The following SEMA6D variants were observed in gnomAD, a reference collection of about 807,000 sequenced individuals.
SEMA6D encodes the protein semaphorin 6D.
Under a neutral mutation model 106.6 loss-of-function variants are expected in SEMA6D, and 35 were observed. The observed-to-expected ratio is 0.33, with a 90% confidence interval of 0.25 to 0.44. The LOEUF (loss-of-function observed/expected upper bound fraction) is 0.44. SEMA6D is among the 20% of genes least tolerant of loss of function. The pLI, the probability that SEMA6D is intolerant of heterozygous loss-of-function variation, is 1.00. For synonymous variants in SEMA6D, 499 were observed against 487.7 expected (o/e 1.02, Z -0.31); for missense variants, 1,185 against 1,345.9 (o/e 0.88, Z 1.87).
chr15:47,754,557 G>A (rs1186545316), intron 1 of SEMA6D, among the ~76,000 whole-genome samples: 2 of 152,046 alleles, frequency 1.3e-5, no homozygotes. Flanking sequence ...ATCTTAGTGT[G>A]TAATATTTTT....
intron 3 of SEMA6D, among the ~76,000 whole-genome samples, chr15:47,546,051 C>T (rs1297523115): frequency 6.6e-6 from 1 of 152,128 alleles, no homozygotes; most frequent in African/African-American, 2.4e-5. Flanking sequence ...CGCTAGAGTG[C>T]ATTTATGCAT....
At chr15:47,416,924 A>G (rs1214484483) in intron 2 of SEMA6D, among the ~76,000 whole-genome samples, 1 of 152,086 alleles carries the variant, frequency 6.6e-6, no homozygotes, top group Non-Finnish European at 1.5e-5. Flanking sequence ...CCCATCTATC[A>G]CTCAGACATT....
intron 1 of SEMA6D, among the ~76,000 whole-genome samples, chr15:47,403,943 A>G (rs1421448290): frequency 1.3e-5 from 2 of 152,164 alleles, no homozygotes; most frequent in Non-Finnish European, 2.9e-5. Context: ...GGAAGCTGAT[A>G]AAAGATTCGG....
chr15:47,755,626 T>C, intron 1 of SEMA6D, among the ~76,000 whole-genome samples: 1 of 152,150 alleles, frequency 6.6e-6, no homozygotes, highest in South Asian at 2.1e-4. Context: ...TTGTAAAACA[T>C]GGTTTACCTC....
rs77562926 is a variant in SEMA6D at position 47,673,108 on chromosome 15, C to T, written c.-55+72212C>T. Reference sequence around the variant, plus strand: ...CCTAGCTTGGTGACTCTTTTCTCACCCCGAGAAAATCCCCCAAAGGCCAGC... The same window carrying T: ...CCTAGCTTGGTGACTCTTTTCTCACTCCGAGAAAATCCCCCAAAGGCCAGC... On this transcript the variant is annotated intron_variant, in intron 4 of 19. Coordinates refer to the SEMA6D transcript ENST00000558014. Among the ~76,000 whole-genome samples, 11 of 152,058 alleles carry T rather than the reference C, an allele frequency of 7.2e-5. No homozygotes were observed. In the East Asian group the frequency reaches 1.9e-3, roughly 27 times the overall value.
intron 1 of SEMA6D, among the ~76,000 whole-genome samples, chr15:47,368,606 G>C (rs1261988877): frequency 2.0e-5 from 3 of 151,852 alleles, no homozygotes; most frequent in Non-Finnish European, 2.9e-5. Context: ...AAGTAGCTGG[G>C]ACTACAGGCG....
At chr15:47,481,055 A>G (rs181104525) in intron 3 of SEMA6D, among the ~76,000 whole-genome samples, 1 of 152,304 alleles carries the variant, frequency 6.6e-6, no homozygotes, top group East Asian at 1.9e-4. Flanking sequence ...GCATCCCCCA[A>G]GGAATTATCT....
chr15:47,762,138 C>T lies in SEMA6D; in HGVS notation c.539-62C>T, dbSNP rs114903830. 1,569 of 1,602,780 alleles carry T rather than the reference C, an allele frequency of 9.8e-4. 18 individuals are homozygous for T. In the African/African-American group the frequency reaches 0.019, roughly 19 times the overall value. ...CGCTCCAAAGGGCATAACACGCTGCCAAAGCTAACACACTGCAGGATAATT... is the reference window on the plus strand; with the variant it reads ...CGCTCCAAAGGGCATAACACGCTGCTAAAGCTAACACACTGCAGGATAATT... On this transcript the variant is annotated intron_variant, in intron 7 of 18. Coordinates refer to ENST00000536845, the MANE Select transcript of SEMA6D (RefSeq NM_001358351.3).
chr15:47,558,118 A>C (rs1393763322), intron 3 of SEMA6D, among the ~76,000 whole-genome samples: 1 of 152,128 alleles, frequency 6.6e-6, no homozygotes, highest in Non-Finnish European at 1.5e-5. Flanking sequence ...ATCCCATATG[A>C]AAAGGTACAA....
At chr15:47,640,936 A>T (rs1252872326) in intron 4 of SEMA6D, among the ~76,000 whole-genome samples, 1 of 152,144 alleles carries the variant, frequency 6.6e-6, no homozygotes, top group Non-Finnish European at 1.5e-5. Context: ...TATTATATTC[A>T]AGAAACCTCA....
intron 1 of SEMA6D, among the ~76,000 whole-genome samples, chr15:47,203,179 C>T (rs986852950): frequency 6.6e-6 from 1 of 152,090 alleles, no homozygotes; most frequent in Non-Finnish European, 1.5e-5. Context: ...CAAACTGGCA[C>T]TTTGACATGT....
rs187551657 is a variant in SEMA6D at position 47,302,399 on chromosome 15, A to G, written c.-238-109994A>G. On this transcript the variant is annotated intron_variant, in intron 1 of 19. Transcript: ENST00000558014. ...CAGATCCTGAAAAATGAAAAAAGAA[A>G]AGCAAAAAACAAGAGAAAAGCATAC... 1.3e-3 allele frequency among the ~76,000 whole-genome samples: 200 copies of G among 152,332 alleles called. 1 individual carries two copies. The highest frequency in any genetic ancestry group is 8.8e-5 in the Non-Finnish European group (6 of 68,036).
At chr15:47,449,598 A>G (rs2042127836) in intron 2 of SEMA6D, among the ~76,000 whole-genome samples, 1 of 152,030 alleles carries the variant, frequency 6.6e-6, no homozygotes, top group Non-Finnish European at 1.5e-5. Flanking sequence ...ATTATTTATG[A>G]GAAAAAAAAA....
intron 4 of SEMA6D, among the ~76,000 whole-genome samples, chr15:47,604,362 A>G (rs2076729715): frequency 6.6e-6 from 1 of 152,234 alleles, no homozygotes; most frequent in South Asian, 2.1e-4. Context: ...CCGGTCCGAT[A>G]AACTTAAGAG....
chr15:47,247,116 A>G (rs1173580401), intron 1 of SEMA6D, among the ~76,000 whole-genome samples: 1 of 152,220 alleles, frequency 6.6e-6, no homozygotes, highest in East Asian at 1.9e-4. Context: ...CACTAGAAAT[A>G]TAAGATCCAG....
chr15:47,759,235 T>C (rs563091096), intron 1 of SEMA6D, among the ~76,000 whole-genome samples: 71 of 152,240 alleles, frequency 4.7e-4, no homozygotes, highest in Non-Finnish European at 5.9e-5. Flanking sequence ...AATACTTGGG[T>C]AATGCTGGGA....
At chr15:47,316,931 C>T (rs2036707373) in intron 1 of SEMA6D, among the ~76,000 whole-genome samples, 1 of 152,120 alleles carries the variant, frequency 6.6e-6, no homozygotes, top group Admixed American at 6.5e-5. Context: ...CCTCATATAA[C>T]ATGTTTAGGA....
At position 47,761,138 on chromosome 15, in the gene SEMA6D, G is replaced by C; in HGVS notation, c.283-20G>C. 6 of 1,613,336 alleles carry C rather than the reference G, an allele frequency of 3.7e-6. No homozygotes were observed. The highest frequency in any genetic ancestry group is 5.1e-6 in the Non-Finnish European group (6 of 1,179,692). On this transcript the variant is annotated intron_variant, in intron 4 of 18. Transcript: ENST00000536845. ...ATGTTCGCAGTTAAAAACTGCTTTG[G>C]TTTTGCTTGATTAATACAGAAACTG...
At chr15:47,251,278 T>A (rs1338569470) in intron 1 of SEMA6D, among the ~76,000 whole-genome samples, 2 of 152,218 alleles carry the variant, frequency 1.3e-5, no homozygotes, top group Non-Finnish European at 2.9e-5. Flanking sequence ...CTGCTTGAAC[T>A]CATCCTTTGT....
Sources: allele counts gnomAD v4.1 joint callset (sites outside exome capture counted in the v4.1 genomes callset), GRCh38; gene constraint gnomAD v4.1.1; transcripts MANE v1.5; gene names NCBI Gene and HGNC (gene_info 2026-07-23, HGNC 2026-07-21).